Variants in ARHGAP26 observed in about 807,000 individuals in gnomAD.
The protein encoded by ARHGAP26 is rho GTPase-activating protein 26.
Under a neutral mutation model 104.8 loss-of-function variants are expected in ARHGAP26, and 38 were observed. The observed-to-expected ratio is 0.36, with a 90% CI of 0.28 to 0.48. The LOEUF (loss-of-function observed/expected upper bound fraction) is 0.48, where lower values mean the gene tolerates loss of function less well. Ranked by LOEUF, ARHGAP26 falls within the 20% of genes least tolerant of loss-of-function variation. ARHGAP26 has a pLI of 0.99. For missense variants in ARHGAP26, 704 were observed against 947.9 expected, an observed-to-expected ratio of 0.74 and a Z score of 3.38; for synonymous variants, 341 against 340.0, an observed-to-expected ratio of 1.00 and a Z score of -0.03.
At chr5:142,818,621 A>G (rs952293764) in intron 1 of ARHGAP26, among the ~76,000 whole-genome samples, 4 of 152,162 alleles carry the variant, frequency 2.6e-5, no homozygotes, top group Non-Finnish European at 4.4e-5. Context: ...AATATTTCTG[A>G]GTCTTCATTT....
intron 1 of ARHGAP26, among the ~76,000 whole-genome samples, chr5:142,784,014 C>T (rs923307710): frequency 2.0e-5 from 3 of 152,172 alleles, no homozygotes; most frequent in Non-Finnish European, 2.9e-5. Context: ...CCTCAGCATC[C>T]GTAGGCTTCG....
intron 21 of ARHGAP26, among the ~76,000 whole-genome samples, chr5:143,213,120 G>T (rs2151389304): frequency 6.6e-6 from 1 of 152,310 alleles, no homozygotes; most frequent in South Asian, 2.1e-4. Flanking sequence ...ACTCCAGCCT[G>T]GGCGACAGAG....
At chr5:143,057,552 T>C (rs1282743647) in intron 16 of ARHGAP26, 90 bp from the exon 17 acceptor site, 2 of 1,001,198 alleles carry the variant, frequency 2.0e-6, no homozygotes, top group Non-Finnish European at 3.1e-6. Context: ...GGGCTGTTAG[T>C]GCTCATCCTT....
At chr5:143,132,053 T>C (rs1368993137) in intron 18 of ARHGAP26, among the ~76,000 whole-genome samples, 1 of 152,106 alleles carries the variant, frequency 6.6e-6, no homozygotes, top group Admixed American at 6.5e-5. Context: ...TCTCTTCTTA[T>C]TCCCTTGCCC....
At chr5:142,899,615 A>G (rs912296616) in intron 6 of ARHGAP26, among the ~76,000 whole-genome samples, 2 of 152,128 alleles carry the variant, frequency 1.3e-5, no homozygotes, top group African/African-American at 4.8e-5. Flanking sequence ...TGAAGCAGAC[A>G]GCTCCCCCAT....
intron 1 of ARHGAP26, among the ~76,000 whole-genome samples, chr5:142,850,954 C>T (rs567513735): frequency 1.3e-5 from 2 of 152,120 alleles, no homozygotes; most frequent in East Asian, 3.8e-4. Context: ...GCAGTGTCAA[C>T]CAGGCCACAG....
At chr5:143,059,070 T>G (rs1350745872) in intron 17 of ARHGAP26, among the ~76,000 whole-genome samples, 1 of 152,200 alleles carries the variant, frequency 6.6e-6, no homozygotes. Context: ...GACAGTTGAG[T>G]ACCAGTTCCA....
intron 1 of ARHGAP26, among the ~76,000 whole-genome samples, chr5:142,812,577 A>T (rs537213060): frequency 6.6e-6 from 1 of 152,074 alleles, no homozygotes; most frequent in South Asian, 2.1e-4. Context: ...GCCTCAAGTG[A>T]TCCTCCTGCC....
chr5:142,966,576 C>T (rs961840100), intron 11 of ARHGAP26, among the ~76,000 whole-genome samples: 2 of 152,136 alleles, frequency 1.3e-5, no homozygotes, highest in African/African-American at 4.8e-5. Flanking sequence ...TTCAGAACAG[C>T]CATATAGCCA....
At chr5:142,805,480 A>G (rs897892962) in intron 1 of ARHGAP26, among the ~76,000 whole-genome samples, 5 of 152,196 alleles carry the variant, frequency 3.3e-5, no homozygotes, top group African/African-American at 4.8e-5. Context: ...TGTTGCTACT[A>G]TGAAATTTTT....
intron 11 of ARHGAP26, among the ~76,000 whole-genome samples, chr5:143,010,226 A>G (rs949223300): frequency 1.3e-5 from 2 of 152,232 alleles, no homozygotes; most frequent in South Asian, 2.1e-4. Context: ...TGGTAGTGAT[A>G]TACATTTGCC....
chr5:143,156,383 C>CT (rs1427245696), intron 20 of ARHGAP26, among the ~76,000 whole-genome samples: 1 of 152,230 alleles, frequency 6.6e-6, no homozygotes, highest in African/African-American at 2.4e-5. Flanking sequence ...CATTTGGTCT[C>CT]TGTTACACTG....
intron 17 of ARHGAP26, among the ~76,000 whole-genome samples, chr5:143,105,201 C>A (rs370583717): frequency 2.6e-5 from 4 of 151,956 alleles, no homozygotes; most frequent in African/African-American, 9.7e-5. Flanking sequence ...CATGGAGAAA[C>A]CCTGTCTCTA....
intron 20 of ARHGAP26, among the ~76,000 whole-genome samples, chr5:143,176,723 T>C (rs951013878): frequency 1.3e-5 from 2 of 152,182 alleles, no homozygotes; most frequent in Non-Finnish European, 2.9e-5. Context: ...AACGTAAACC[T>C]AAGTAGCAGA....
At chr5:142,796,391 A>G (rs866979303) in intron 1 of ARHGAP26, among the ~76,000 whole-genome samples, 20 of 152,216 alleles carry the variant, frequency 1.3e-4, no homozygotes, top group African/African-American at 4.6e-4. Flanking sequence ...GGTTAGAGTA[A>G]ATGATTGCTA....
chr5:143,077,882 G>A (rs941067076), intron 17 of ARHGAP26, among the ~76,000 whole-genome samples: 1 of 152,014 alleles, frequency 6.6e-6, no homozygotes, highest in Admixed American at 6.6e-5. Context: ...CTTCTTTTCT[G>A]GGATGCAGAC....
At chr5:142,927,315 G>C (rs1764051076) in intron 10 of ARHGAP26, among the ~76,000 whole-genome samples, 1 of 143,444 alleles carries the variant, frequency 7.0e-6, no homozygotes, top group South Asian at 2.5e-4. Context: ...CTCAGTCACT[G>C]CCCATATCTC....
chr5:143,041,752 C>G, intron 13 of ARHGAP26, 64 bp from the exon 14 acceptor site: 37 of 1,049,606 alleles, frequency 3.5e-5, no homozygotes, highest in Non-Finnish European at 4.7e-5. Context: ...GTGCATTTGG[C>G]TGGATTGGCC....
At chr5:142,921,122 TCTC>T (rs1226669013) in intron 10 of ARHGAP26, among the ~76,000 whole-genome samples, 1 of 152,224 alleles carries the variant, frequency 6.6e-6, no homozygotes, top group African/African-American at 2.4e-5. Context: ...GGGCAGTAGC[TCTC>T]CTCTGATCTA....
Sources: allele counts gnomAD v4.1 joint callset (sites outside exome capture counted in the v4.1 genomes callset), GRCh38; gene constraint gnomAD v4.1.1; transcripts MANE v1.5; gene names NCBI Gene and HGNC (gene_info 2026-07-23, HGNC 2026-07-21).